CIMAP3: variants seen among roughly 807,000 people sequenced by gnomAD.
CIMAP3 encodes the protein ciliary microtubule associated protein 3, also known as ciliary microtubule-associated protein 3.
the CIMAP3 span, among the ~76,000 whole-genome samples, chr1:111,347,350 T>C: frequency 6.6e-6 from 1 of 152,136 alleles, no homozygotes; most frequent in Non-Finnish European, 1.5e-5. Context: ...CCTCCAAACC[T>C]CAGGCTGACA....
At chr1:111,337,897 T>C in the CIMAP3 span, among the ~76,000 whole-genome samples, 2 of 151,070 alleles carry the variant, frequency 1.3e-5, no homozygotes, top group Non-Finnish European at 2.9e-5. Context: ...ATATACATTT[T>C]TTTCAGCACC....
the CIMAP3 span, among the ~76,000 whole-genome samples, chr1:111,344,460 G>A: frequency 3.5e-4 from 54 of 152,280 alleles, no homozygotes; most frequent in Admixed American, 3.3e-3. Flanking sequence ...TTTAGCAAGC[G>A]TTCCAATGGA....
At chr1:111,331,781 A>C in the CIMAP3 span, among the ~76,000 whole-genome samples, 1 of 151,746 alleles carries the variant, frequency 6.6e-6, no homozygotes, top group Non-Finnish European at 1.5e-5. Context: ...TGTCGTGTTA[A>C]TGTGTCCCTA....
the CIMAP3 span, among the ~76,000 whole-genome samples, chr1:111,345,628 C>G: frequency 2.0e-5 from 3 of 152,164 alleles, no homozygotes; most frequent in African/African-American, 7.2e-5. Context: ...AAAAATCATC[C>G]CTGAAGGCTG....
chr1:111,336,335 A>G, the CIMAP3 span, among the ~76,000 whole-genome samples: 11,699 of 152,272 alleles, frequency 0.077, 564 homozygotes, highest in African/African-American at 0.13. Flanking sequence ...CCAGCAATAG[A>G]ACAAAGCTGG....
the CIMAP3 span, among the ~76,000 whole-genome samples, chr1:111,329,759 G>A: frequency 6.6e-6 from 1 of 151,636 alleles, no homozygotes; most frequent in Non-Finnish European, 1.5e-5. Context: ...TCACCACATA[G>A]GCCAGGCTGG....
At chr1:111,352,704 C>A in the CIMAP3 span, 1 of 152,180 alleles carries the variant, frequency 6.6e-6, no homozygotes, top group Non-Finnish European at 1.5e-5. Context: ...GTACACCTCC[C>A]TCCTTTTTCT....
At chr1:111,333,934 C>T in the CIMAP3 span, among the ~76,000 whole-genome samples, 2 of 152,154 alleles carry the variant, frequency 1.3e-5, no homozygotes, top group Non-Finnish European at 2.9e-5. Context: ...ATTCTCATTG[C>T]ATATACAGTC....
the CIMAP3 span, among the ~76,000 whole-genome samples, chr1:111,331,904 G>A: frequency 6.6e-6 from 1 of 152,096 alleles, no homozygotes; most frequent in Admixed American, 6.5e-5. Flanking sequence ...GTTCAGGGAG[G>A]GTGCATTGGC....
chr1:111,332,926 G>A, the CIMAP3 span, among the ~76,000 whole-genome samples: 5 of 152,202 alleles, frequency 3.3e-5, no homozygotes, highest in East Asian at 1.9e-4. Context: ...GCCCAGAGGC[G>A]TTTGTACCAG....
chr1:111,338,162 C>A, the CIMAP3 span, among the ~76,000 whole-genome samples: 3 of 151,438 alleles, frequency 2.0e-5, no homozygotes, highest in Admixed American at 1.3e-4. Flanking sequence ...AACAAAGACA[C>A]AACATACCGG....
the CIMAP3 span, chr1:111,324,953 C>A: frequency 3.5e-6 from 3 of 860,448 alleles, no homozygotes; most frequent in Admixed American, 6.2e-5. Flanking sequence ...TGGAGTCTAA[C>A]TGGAAAGAAG....
chr1:111,348,512 A>C, the CIMAP3 span: 1 of 1,593,972 alleles, frequency 6.3e-7, no homozygotes. Context: ...TTTCTTGGAA[A>C]CAGGAAATGA....
chr1:111,329,569 T>G, the CIMAP3 span, among the ~76,000 whole-genome samples: 1 of 138,966 alleles, frequency 7.2e-6, no homozygotes, highest in Admixed American at 7.6e-5. Context: ...AATTTTTTTT[T>G]TTGAGATGGA....
At chr1:111,327,095 T>C in the CIMAP3 span, among the ~76,000 whole-genome samples, 1 of 151,202 alleles carries the variant, frequency 6.6e-6, no homozygotes, top group Non-Finnish European at 1.5e-5. Flanking sequence ...TTTAGTTTAA[T>C]ATAGTCGATT....
the CIMAP3 span, among the ~76,000 whole-genome samples, chr1:111,333,776 T>C: frequency 6.6e-6 from 1 of 152,194 alleles, no homozygotes; most frequent in African/African-American, 2.4e-5. Flanking sequence ...TCTGGTCAAA[T>C]CTTAGCTGTT....
the CIMAP3 span, chr1:111,347,618 CTTTCTTTTT>C: frequency 5.4e-6 from 5 of 928,432 alleles, no homozygotes; most frequent in East Asian, 5.4e-5. Context: ...GTTGTTTTTT[CTTTCTTTTT>C]TTTTTTTTTT....
At chr1:111,347,971 C>T in the CIMAP3 span, among the ~76,000 whole-genome samples, 17,030 of 152,098 alleles carry the variant, frequency 0.11, 1,032 homozygotes, top group Non-Finnish European at 0.13. Context: ...GTGAGTGTAC[C>T]GGGGAGAGTG....
chr1:111,351,393 CTCT>C, the CIMAP3 span: 35 of 1,332,340 alleles, frequency 2.6e-5, no homozygotes, highest in Middle Eastern at 1.9e-4. Context: ...GACAGAGCTG[CTCT>C]TCTTCTTCTA....
Sources: allele counts gnomAD v4.1 joint callset (sites outside exome capture counted in the v4.1 genomes callset), GRCh38; gene constraint gnomAD v4.1.1; transcripts MANE v1.5; gene names NCBI Gene and HGNC (gene_info 2026-07-23, HGNC 2026-07-21).